Variants in STX8 observed in about 807,000 individuals in gnomAD.
STX8 encodes syntaxin-8.
STX8 carries 23 observed loss-of-function variants against 37.5 expected under a neutral mutation model. The ratio of observed to expected loss-of-function variants is 0.61; its 90% confidence interval spans 0.44 to 0.87. The LOEUF is 0.87. Ranked by LOEUF, STX8 falls within the 40% of genes least tolerant of loss-of-function variation. The probability of loss-of-function intolerance (pLI) is 0.00; values close to 1 mark genes in which losing one functional copy is unlikely to be tolerated. For synonymous variants in STX8, 115 were observed against 99.1 expected (o/e 1.16, Z -0.95); for missense variants, 313 against 284.7 (o/e 1.10, Z -0.71).
chr17:9,518,901 T>A (rs186896756), intron 4 of STX8, among the ~76,000 whole-genome samples: 3 of 150,200 alleles, frequency 2.0e-5, no homozygotes, highest in African/African-American at 7.4e-5. Flanking sequence ...ATGCTAGCAA[T>A]GCTTAAAGAC....
chr17:9,341,789 A>G (rs1910368770), intron 7 of STX8, among the ~76,000 whole-genome samples: 1 of 152,196 alleles, frequency 6.6e-6, no homozygotes, highest in South Asian at 2.1e-4. Context: ...ACAGCAACTG[A>G]GGGGAGCCCA....
chr17:9,386,724 C>T (rs1912027323), intron 6 of STX8, among the ~76,000 whole-genome samples: 1 of 152,202 alleles, frequency 6.6e-6, no homozygotes, highest in African/African-American at 2.4e-5. Flanking sequence ...CAAACACTCC[C>T]AGAGACTGGT....
chr17:9,507,650 C>T lies in STX8; in HGVS notation c.324-2488G>A, dbSNP rs1047985497. ...CCCTCAGCCAGAGTAAGGGCACCAA[C>T]CCCAACCCCAGCAAGTGAGACCCCA... On this transcript the variant is annotated intron_variant, in intron 4 of 7. Coordinates refer to ENST00000306357, the MANE Select transcript of STX8 (RefSeq NM_004853.3). This position sits in a 1 kb window ranked among gnomAD's most constrained non-coding sequence, Gnocchi z 4.0. 6.6e-6 allele frequency among the ~76,000 whole-genome samples: 1 copy of T among 152,196 alleles called. No individual in the cohort carries two copies. The highest frequency in any genetic ancestry group is 1.5e-5 in the Non-Finnish European group (1 of 68,036).
chr17:9,414,080 GTCCATCCA>G (rs1462166667), intron 6 of STX8, among the ~76,000 whole-genome samples: 1 of 24,534 alleles, frequency 4.1e-5, no homozygotes, highest in Admixed American at 4.7e-4. Flanking sequence ...CCACCCATCT[GTCCATCCA>G]TCCATCCATC....
intron 7 of STX8, among the ~76,000 whole-genome samples, chr17:9,300,830 C>CTTTTTTTTTTT (rs1164799565): frequency 2.8e-3 from 258 of 90,888 alleles, no homozygotes; most frequent in Non-Finnish European, 3.4e-3. Flanking sequence ...TTATTTTGTT[C>CTTTTTTTTTTT]TTTTTTTTTT....
At chr17:9,355,475 C>T (rs561878532) in intron 7 of STX8, among the ~76,000 whole-genome samples, 28 of 150,576 alleles carry the variant, frequency 1.9e-4, no homozygotes, top group African/African-American at 5.9e-4. Context: ...GCTGGGACTA[C>T]AGGCATGCAC....
At position 9,526,448 on chromosome 17, in the gene STX8, G is replaced by A. The variant is rs561351484; in HGVS notation, c.323+18724C>T. On this transcript the variant is annotated intron_variant, in intron 4 of 7. Transcript: ENST00000306357. ...GGAACCAACACTCATGTATGCTTAG[G>A]GGTGACTGTAATATATCAAAAATTG... is the stretch of plus-strand genomic sequence containing the variant. Among the ~76,000 whole-genome samples the A allele has an allele frequency of 5.3e-5, 8 of 152,280 alleles. No individual in the cohort carries two copies. The East Asian group carries it at 5.8e-4, about 11-fold the overall frequency.
intron 4 of STX8, among the ~76,000 whole-genome samples, chr17:9,540,213 T>TTGCTGG (rs1415121399): frequency 1.8e-4 from 28 of 152,212 alleles, no homozygotes; most frequent in Non-Finnish European, 3.8e-4. Flanking sequence ...CACTCCTCCA[T>TTGCTGG]ACACTTCTTG....
intron 6 of STX8, among the ~76,000 whole-genome samples, chr17:9,443,361 T>C (rs1362155732): frequency 6.6e-6 from 1 of 152,170 alleles, no homozygotes; most frequent in Non-Finnish European, 1.5e-5. Flanking sequence ...ATGTACCTAC[T>C]ATATGTAAGG....
chr17:9,524,926 GCCTC>G (rs1905503965), intron 4 of STX8, among the ~76,000 whole-genome samples: 1 of 151,618 alleles, frequency 6.6e-6, no homozygotes, highest in Non-Finnish European at 1.5e-5. Context: ...TCCCACCTCA[GCCTC>G]CCTAGTAGCT....
At chr17:9,310,525 A>G (rs1909155707) in intron 7 of STX8, among the ~76,000 whole-genome samples, 1 of 152,158 alleles carries the variant, frequency 6.6e-6, no homozygotes, top group African/African-American at 2.4e-5. Context: ...TCTTGTCTCA[A>G]TACAAAACCT....
At chr17:9,517,484 G>A (rs187194569) in intron 4 of STX8, among the ~76,000 whole-genome samples, 1 of 152,248 alleles carries the variant, frequency 6.6e-6, no homozygotes, top group Admixed American at 6.5e-5. Flanking sequence ...TATCTCATGT[G>A]AATCGCACAC....
chr17:9,485,912 T>C (rs948336757), intron 6 of STX8, among the ~76,000 whole-genome samples: 2 of 151,810 alleles, frequency 1.3e-5, no homozygotes, highest in African/African-American at 4.8e-5. Context: ...ATCTGACCAG[T>C]AGGAGTTGCA....
At chr17:9,501,480 C>T (rs1904606762) in intron 5 of STX8, among the ~76,000 whole-genome samples, 1 of 150,602 alleles carries the variant, frequency 6.6e-6, no homozygotes, top group Non-Finnish European at 1.5e-5. Flanking sequence ...CACCTGAGGT[C>T]AGGAGTTTGA....
At chr17:9,537,213 G>A (rs1469498392) in intron 4 of STX8, among the ~76,000 whole-genome samples, 1 of 152,216 alleles carries the variant, frequency 6.6e-6, no homozygotes, top group African/African-American at 2.4e-5. Context: ...TAATTAGCGA[G>A]GCAGAGACAA....
At chr17:9,266,142 C>T (rs1002068399) in intron 7 of STX8, among the ~76,000 whole-genome samples, 1 of 152,098 alleles carries the variant, frequency 6.6e-6, no homozygotes, top group South Asian at 2.1e-4. Context: ...TAACACATTA[C>T]AAAAGTTGGT....
chr17:9,397,183 G>A (rs1346537207), intron 6 of STX8, among the ~76,000 whole-genome samples: 2 of 152,202 alleles, frequency 1.3e-5, no homozygotes, highest in Admixed American at 1.3e-4. Flanking sequence ...AGATCACGAC[G>A]TCAGGAGTTC....
intron 7 of STX8, among the ~76,000 whole-genome samples, chr17:9,285,309 G>A (rs1359154504): frequency 2.0e-5 from 3 of 151,894 alleles, no homozygotes; most frequent in Non-Finnish European, 4.4e-5. Context: ...TCTGGTGGAC[G>A]GAAACACTGT....
intron 4 of STX8, among the ~76,000 whole-genome samples, chr17:9,522,446 C>T (rs1176479257): frequency 6.6e-6 from 1 of 151,440 alleles, no homozygotes; most frequent in African/African-American, 2.4e-5. Flanking sequence ...GCCTATAATC[C>T]CAGCACTTTG....
Sources: allele counts gnomAD v4.1 joint callset (sites outside exome capture counted in the v4.1 genomes callset), GRCh38; gene constraint gnomAD v4.1.1; non-coding constraint Gnocchi (gnomAD v3.1); transcripts MANE v1.5; gene names NCBI Gene and HGNC (gene_info 2026-07-23, HGNC 2026-07-21).